FCHO2: variants seen among roughly 807,000 people sequenced by gnomAD.
FCHO2 encodes F-BAR domain only protein 2.
In FCHO2, 43 loss-of-function variants were observed where a neutral mutation model predicts 114.1. The ratio of observed to expected loss-of-function variants is 0.38; its 90% CI spans 0.30 to 0.49. FCHO2 has a LOEUF of 0.49. Ranked by LOEUF, FCHO2 falls within the 20% of genes least tolerant of loss-of-function variation. The probability of loss-of-function intolerance (pLI) is 0.97; values close to 1 mark genes in which losing one functional copy is unlikely to be tolerated. For synonymous variants in FCHO2, 293 were observed against 315.2 expected (o/e 0.93, Z 0.75); for missense variants, 807 against 950.4 (o/e 0.85, Z 1.98).
In FCHO2 at chr5:72,985,984, C is replaced by T. The variant is rs1167834864; in HGVS notation, c.126-3443C>T. Among the ~76,000 whole-genome samples the T allele has an allele frequency of 2.6e-5, 4 of 152,200 alleles. No homozygotes were observed. The East Asian group carries it at 7.7e-4, about 29-fold the overall frequency. On this transcript the variant is annotated intron_variant, in intron 2 of 25. Transcript: ENST00000430046. ...TCATTCTTTCTCTTTACTCATTTAT[C>T]TGACTTTTCTTGCTTTGTCCTTTAC...
chr5:73,037,911 A>C (rs1756608085), intron 10 of FCHO2: 1 of 311,376 alleles, frequency 3.2e-6, no homozygotes, highest in East Asian at 1.2e-4. Context: ...GGCGCCCACC[A>C]CCACATCTGG....
At chr5:73,062,231 C>T (rs146918762) in intron 17 of FCHO2, among the ~76,000 whole-genome samples, 3 of 152,058 alleles carry the variant, frequency 2.0e-5, no homozygotes, top group African/African-American at 7.2e-5. Context: ...GCCTAATTGA[C>T]CTATGCAGAT....
chr5:73,052,222 C>G, intron 12 of FCHO2, 110 bp from the exon 13 acceptor site: 1 of 1,157,468 alleles, frequency 8.6e-7, no homozygotes, highest in South Asian at 1.6e-5. Context: ...CGCACCCGGC[C>G]CAAAGTCTGT....
chr5:73,010,875 C>CAAAAAAAAAA (rs57820498), intron 6 of FCHO2, among the ~76,000 whole-genome samples: 8 of 25,756 alleles, frequency 3.1e-4, no homozygotes, highest in African/African-American at 9.6e-4. Context: ...GACTCTGTCT[C>CAAAAAAAAAA]AAAAAAAAAA....
chr5:73,044,155 C>A (rs1756945684), intron 11 of FCHO2, among the ~76,000 whole-genome samples: 1 of 152,190 alleles, frequency 6.6e-6, no homozygotes, highest in Non-Finnish European at 1.5e-5. Flanking sequence ...TTTCCTGAGG[C>A]CTCCCTAGCC....
chr5:72,963,729 T>A (rs74525883), intron 1 of FCHO2, among the ~76,000 whole-genome samples: 20,987 of 151,694 alleles, frequency 0.14, 1,645 homozygotes, highest in East Asian at 0.35. Flanking sequence ...TTAAAAAAAA[T>A]TTGTAGGGAC....
intron 19 of FCHO2, among the ~76,000 whole-genome samples, chr5:73,068,996 G>A (rs753033991): frequency 5.3e-5 from 8 of 152,066 alleles, no homozygotes; most frequent in African/African-American, 9.7e-5. Context: ...GGTTAGCACC[G>A]TTAAGAATGA....
At position 73,056,255 on chromosome 5, in the gene FCHO2, C is replaced by A. The variant is rs146608956; in HGVS notation, c.1253+148C>A. On this transcript the variant is annotated intron_variant, in intron 16 of 25. Coordinates refer to ENST00000430046, the MANE Select transcript of FCHO2 (RefSeq NM_138782.3). ...GCCCAGTCTCTCTCACAGTCAAATT[C>A]TCTCACCAGAGTGGTACATTTGTTA... The A allele has an allele frequency of 3.3e-4, 205 of 625,724 alleles. No homozygotes were observed. In the African/African-American group the frequency reaches 3.4e-3, roughly 10 times the overall value. 38.8% of individuals were successfully genotyped at this position (625,724 alleles called of 1,614,324 possible).
At chr5:73,061,295 T>G (rs1757842606) in intron 17 of FCHO2, among the ~76,000 whole-genome samples, 1 of 152,110 alleles carries the variant, frequency 6.6e-6, no homozygotes, top group Non-Finnish European at 1.5e-5. Context: ...ATATGCATTT[T>G]AAGTTTCTAA....
chr5:72,960,469 C>T (rs961311439), intron 1 of FCHO2, among the ~76,000 whole-genome samples: 5 of 151,922 alleles, frequency 3.3e-5, no homozygotes, highest in African/African-American at 1.2e-4. Flanking sequence ...CACACCATTG[C>T]TTTTAATATG....
At chr5:73,075,688 G>A (rs1199721979) in intron 20 of FCHO2, among the ~76,000 whole-genome samples, 1 of 152,104 alleles carries the variant, frequency 6.6e-6, no homozygotes, top group Non-Finnish European at 1.5e-5. Context: ...CAGAGAGAAA[G>A]TTAGAAAATT....
At chr5:73,042,705 G>T (rs979363194) in intron 11 of FCHO2, among the ~76,000 whole-genome samples, 4 of 152,124 alleles carry the variant, frequency 2.6e-5, no homozygotes, top group Non-Finnish European at 4.4e-5. Context: ...CGTGACAGGG[G>T]TTAATTGCTT....
At position 73,063,955 on chromosome 5, in the gene FCHO2, A is replaced by C; in HGVS notation, c.1449+11A>C. ...GGGATTAATGAAATAGTATGTACTC[A>C]GGTTTTTTAAAAATTATTTAACTGT... On this transcript the variant is annotated intron_variant, in intron 18 of 25. Transcript: ENST00000430046. 6.3e-7 allele frequency: 1 copy of C among 1,590,668 alleles called. No individual in the cohort carries two copies. Among genetic ancestry groups the C allele is most frequent in the Non-Finnish European group, 8.6e-7 (1 of 1,165,634 alleles).
At chr5:72,975,367 C>T (rs543326448) in intron 2 of FCHO2, among the ~76,000 whole-genome samples, 1 of 152,252 alleles carries the variant, frequency 6.6e-6, no homozygotes, top group East Asian at 1.9e-4. Context: ...AGCTCTGTCA[C>T]CCAGGCTGGA....
At chr5:73,010,607 T>G (rs941264406) in intron 6 of FCHO2, among the ~76,000 whole-genome samples, 3 of 152,112 alleles carry the variant, frequency 2.0e-5, no homozygotes, top group Non-Finnish European at 2.9e-5. Context: ...CCAGGCATGG[T>G]GGCTCACGCC....
chr5:73,000,290 T>C (rs1182684172), intron 5 of FCHO2, among the ~76,000 whole-genome samples: 1 of 151,896 alleles, frequency 6.6e-6, no homozygotes, highest in African/African-American at 2.4e-5. Context: ...CTGGCCAACG[T>C]AGTGAAACCC....
At chr5:72,991,430 G>A (rs945139406) in intron 5 of FCHO2, among the ~76,000 whole-genome samples, 3 of 152,128 alleles carry the variant, frequency 2.0e-5, no homozygotes, top group African/African-American at 7.2e-5. Context: ...ACATAATTGA[G>A]GTAATTACTT....
chr5:73,001,113 C>G (rs1222444462), intron 5 of FCHO2, among the ~76,000 whole-genome samples: 1 of 151,866 alleles, frequency 6.6e-6, no homozygotes, highest in Non-Finnish European at 1.5e-5. Flanking sequence ...ATACATGTTT[C>G]TGGTGGGGCA....
intron 8 of FCHO2, 37 bp downstream of exon 8, chr5:73,017,345 T>G (rs936103617): frequency 1.2e-5 from 17 of 1,360,246 alleles, no homozygotes; most frequent in Non-Finnish European, 1.5e-5. Flanking sequence ...CATTTTAAAT[T>G]TTCCCATATA....
Sources: gnomAD v4.1 joint callset for allele counts (sites outside exome capture counted in the v4.1 genomes callset) on GRCh38, gnomAD v4.1.1 for gene constraint, MANE v1.5 for transcripts, NCBI Gene and HGNC (gene_info 2026-07-23, HGNC 2026-07-21) for gene names.